Variants in OR51B4 observed in about 807,000 individuals in gnomAD.
The protein encoded by OR51B4 is olfactory receptor family 51 subfamily B member 4.
For synonymous variants in OR51B4, 147 were observed against 140.8 expected (o/e 1.04, Z -0.31); for missense variants, 402 against 379.8 (o/e 1.06, Z -0.49).
rs755319995 is a variant in OR51B4 at position 5,301,381 on chromosome 11, A to G, written c.566T>C (p.Ile189Thr). ...QDVIKLACAD[I>T]TFNHIYPIIQ... The stretch of plus-strand genomic sequence containing the variant: ...AATTGGATATATGTGATTAAACGTG[A>G]TATCAGCACAGGCGAGTTTTATGAC... The change falls in exon 1 of 1, where the codon ATC (isoleucine) becomes ACC (threonine). Residue 189 changes from isoleucine (I) to threonine (T), a missense_variant. Ile to Thr is a moderately conservative substitution (Grantham distance 89). Transcript: ENST00000380224. 9 of 1,614,014 alleles carry G rather than the reference A, an allele frequency of 5.6e-6. 1 individual carries two copies. The highest frequency in any genetic ancestry group is 3.3e-5 in the South Asian group (3 of 91,072).
rs778158910 is a variant in OR51B4, at chr11:5,301,920, G to A, written c.27C>T (p.Pro9=). 7.5e-6 allele frequency: 12 copies of A among 1,595,032 alleles called. No individual in the cohort carries two copies. Among genetic ancestry groups the A allele is most frequent in the African/African-American group, 1.3e-5 (1 of 74,682 alleles). Residue 9 remains proline (P), a synonymous_variant, in exon 1 of 1, where the codon CCC becomes CCT. Coordinates refer to ENST00000380224, the MANE Select transcript of OR51B4 (RefSeq NM_033179.2). ...AGCCCAAGAAGCCAGTCAGCAAGAA[G>A]GGGCCAGCACTGTTGTTATACCACA... is the stretch of plus-strand genomic sequence containing the variant. The part of the protein sequence containing the change: MWYNNSAG[P]FLLTGFLGSE...
rs114179036 is a variant in OR51B4, at chr11:5,301,697, G to T, written c.250C>A (p.Leu84Met). 1,517 of 1,614,174 alleles carry T rather than the reference G, an allele frequency of 9.4e-4. 19 individuals carry two copies. The African/African-American group carries it at 0.017, about 19-fold the overall frequency. ...TGGGCAATCTCCCTCTGGTCTAGCA[G>T]CAGGACACCCAGGACTGTGGGCATT... The part of the protein sequence containing the change: ...TTMPTVLGVL[L>M]LDQREIAHAA... The change falls in exon 1 of 1, where the codon CTG becomes ATG. Residue 84 changes from leucine (L) to methionine (M), a missense_variant. Leu to Met is a conservative substitution (Grantham distance 15). Transcript: ENST00000380224.
In OR51B4 at chr11:5,301,179, T is replaced by A. The variant is rs770519805; in HGVS notation, c.768A>T (p.Ser256=). 3.7e-6 allele frequency: 6 copies of A among 1,614,098 alleles called. No homozygotes were observed. Among genetic ancestry groups the A allele is most frequent in the Non-Finnish European group, 5.1e-6 (6 of 1,179,992 alleles). Residue 256 remains serine (S), a synonymous_variant, in exon 1 of 1, where the codon TCA becomes TCT. Coordinates refer to ENST00000380224, the MANE Select transcript of OR51B4 (RefSeq NM_033179.2). ...CATGTTTCCCAAACCTGTGAATGAATGACAGTCCCATCACAGTGATGTGAA... is the reference window on the plus strand; with the variant it reads ...CATGTTTCCCAAACCTGTGAATGAAAGACAGTCCCATCACAGTGATGTGAA... ...LVFHITVMGL[S]FIHRFGKHAP... is the part of the protein sequence containing the mutation.
In OR51B4 at chr11:5,301,115, A is replaced by G. The variant is rs752764870; in HGVS notation, c.832T>C (p.Phe278Leu). The G allele has an allele frequency of 1.2e-6, 2 of 1,613,982 alleles. No homozygotes were observed. Among genetic ancestry groups the G allele is most frequent in the South Asian group, 2.2e-5 (2 of 91,072 alleles). ...VVPITMSYVH[F>L]LFPPFVNPII... ...GGATTCACGAATGGAGGAAAGAGAA[A>G]ATGGACATAGCTCATGGTAATGGGG... The change falls in exon 1 of 1, where the codon TTT (phenylalanine) becomes CTT (leucine). Residue 278 changes from phenylalanine to leucine, a missense_variant. Physicochemically the swap from Phe to Leu is conservative, Grantham distance 22. Coordinates refer to ENST00000380224, the MANE Select transcript of OR51B4 (RefSeq NM_033179.2).
rs376713726 is a variant in OR51B4, at chr11:5,301,624, T to G, written c.323A>C (p.Glu108Ala). The change falls in exon 1 of 1, where the codon GAA becomes GCA. Residue 108 changes from glutamate (E) to alanine (A), a missense_variant. Glu to Ala is a moderately radical substitution (Grantham distance 107). Coordinates refer to ENST00000380224, the MANE Select transcript of OR51B4 (RefSeq NM_033179.2). ...GGCCAAAACAAGCAAGATACCTGAT[T>G]CTACAATGGCCAGTGAATGAATGAA... ...QSFIHSLAIV[E>A]SGILLVLAYD... 9.9e-6 allele frequency: 16 copies of G among 1,614,140 alleles called. No homozygotes were observed. Among genetic ancestry groups the G allele is most frequent in the Non-Finnish European group, 1.4e-5 (16 of 1,180,016 alleles).
chr11:5,301,302 A>T lies in OR51B4; in HGVS notation c.645T>A (p.Tyr215Ter). ...FLDALIIIFS[Y>*]ILILKTVMGI... The stretch of plus-strand genomic sequence containing the variant: ...CCATCACTGTCTTGAGGATTAGTAT[A>T]TAAGAAAAGATGATGATTAGAGCAT... Residue 215 changes from tyrosine to a stop codon, truncating the protein, a stop_gained, in exon 1 of 1, where the codon TAT becomes TAA. Transcript: ENST00000380224. LOFTEE classifies it low-confidence loss of function (END_TRUNC). 1.2e-6 allele frequency: 2 copies of T among 1,614,110 alleles called. No homozygotes were observed. Among genetic ancestry groups the T allele is most frequent in the Non-Finnish European group, 1.7e-6 (2 of 1,180,004 alleles).
chr11:5,301,745 C>T lies in OR51B4; in HGVS notation c.202G>A (p.Asp68Asn). 1.2e-6 allele frequency: 2 copies of T among 1,614,002 alleles called. No individual in the cohort carries two copies. Among genetic ancestry groups the T allele is most frequent in the Non-Finnish European group, 1.7e-6 (2 of 1,179,960 alleles). The change falls in exon 1 of 1, where the codon GAC (aspartate) becomes AAC (asparagine). Residue 68 changes from aspartate (D) to asparagine (N), a missense_variant. Physicochemically the swap from Asp to Asn is conservative, Grantham distance 23. Transcript: ENST00000380224. ...ATTGTAGTGAATGTCATCCCAAGGT[C>T]CGTGTCTGCCAGCATAGCCAGGAAG... is the stretch of plus-strand genomic sequence containing the variant. ...YYFLAMLADT[D>N]LGMTFTTMPT...
chr11:5,301,784 C>T lies in OR51B4; in HGVS notation c.163G>A (p.Glu55Lys). 6.2e-7 allele frequency: 1 copy of T among 1,614,072 alleles called. No individual in the cohort carries two copies. Among genetic ancestry groups the T allele is most frequent in the South Asian group, 1.1e-5 (1 of 91,070 alleles). Residue 55 changes from glutamate to lysine, a missense_variant, in exon 1 of 1, where the codon GAG becomes AAG. Transcript: ENST00000380224. ...ATAGCCAGGAAGTAGTACATGGGCT[C>T]ATGGAGGCTGTGATCATTCCAAATG... is the stretch of plus-strand genomic sequence containing the variant. ...VLIWNDHSLHEPMYYFLAMLA... is the reference protein window; with the variant it reads ...VLIWNDHSLHKPMYYFLAMLA...
chr11:5,301,522 C>CCTAT lies in OR51B4; in HGVS notation c.421_424dup (p.Gly142AspfsTer48). On this transcript the variant is annotated frameshift_variant, in exon 1 of 1. Transcript: ENST00000380224. LOFTEE classifies it low-confidence loss of function (END_TRUNC). Reference sequence around the variant, plus strand: ...AAAACCTCTCATCAGTACCCCCAGTCCTATGTTCATCACTCGGGAATTGGT... The same window carrying CCTAT: ...AAAACCTCTCATCAGTACCCCCAGTCCTATCTATGTTCATCACTCGGGAATTGGT... The CCTAT allele has an allele frequency of 6.2e-7, 1 of 1,614,156 alleles. No homozygotes were observed.
chr11:5,301,878 G>A lies in OR51B4; in HGVS notation c.69C>T (p.Tyr23=), dbSNP rs1848500046. Residue 23 remains tyrosine (Y), a synonymous_variant, in exon 1 of 1, where the codon TAC becomes TAT. Coordinates refer to ENST00000380224, the MANE Select transcript of OR51B4 (RefSeq NM_033179.2). ...TGFLGSEAVH[Y]RISMSFFVIY... ...TGACAAAGAAGGACATAGAGATCCG[G>A]TAGTGAACTGCCTCTGAGCCCAAGA... is the stretch of plus-strand genomic sequence containing the variant. 3.7e-6 allele frequency: 6 copies of A among 1,610,292 alleles called. No homozygotes were observed. The highest frequency in any genetic ancestry group is 5.1e-6 in the Non-Finnish European group (6 of 1,178,146).
Position 5,301,153 on chromosome 11 carries a change from G to T in OR51B4, c.794C>A (p.Ala265Glu). 1 of 1,613,902 alleles carries T rather than the reference G, an allele frequency of 6.2e-7. No individual in the cohort carries two copies. Among genetic ancestry groups the T allele is most frequent in the Non-Finnish European group, 8.5e-7 (1 of 1,179,802 alleles). Residue 265 changes from alanine (A) to glutamate (E), a missense_variant, in exon 1 of 1, where the codon GCA becomes GAA. Coordinates refer to ENST00000380224, the MANE Select transcript of OR51B4 (RefSeq NM_033179.2). ...CATGGTAATGGGGACCACATGAGGT[G>T]CATGTTTCCCAAACCTGTGAATGAA... ...LSFIHRFGKHAPHVVPITMSY... is the reference protein window; with the variant it reads ...LSFIHRFGKHEPHVVPITMSY...
rs752942867 is a variant in OR51B4, at chr11:5,301,916, A to T, written c.31T>A (p.Leu11Met). 4.4e-6 allele frequency: 7 copies of T among 1,595,746 alleles called. No individual in the cohort carries two copies. The highest frequency in any genetic ancestry group is 5.1e-6 in the Non-Finnish European group (6 of 1,171,970). Residue 11 changes from leucine to methionine, a missense_variant, in exon 1 of 1, where the codon TTG (leucine) becomes ATG (methionine). Leu to Met is a conservative substitution (Grantham distance 15, BLOSUM62 2). Coordinates refer to ENST00000380224, the MANE Select transcript of OR51B4 (RefSeq NM_033179.2). ...TCTGAGCCCAAGAAGCCAGTCAGCA[A>T]GAAGGGGCCAGCACTGTTGTTATAC... MWYNNSAGPF[L>M]LTGFLGSEAV... is the part of the protein sequence containing the mutation.
rs1319963448 is a variant in OR51B4, at chr11:5,301,636, A to C, written c.311T>G (p.Leu104Arg). ...CAAGATACCTGATTCTACAATGGCC[A>C]GTGAATGAATGAAGGATTGGGTGAA... ...ACFTQSFIHS[L>R]AIVESGILLV... The change falls in exon 1 of 1, where the codon CTG (leucine) becomes CGG (arginine). Residue 104 changes from leucine (L) to arginine (R), a missense_variant. By Grantham distance (102) the Leu-to-Arg change is moderately radical. Coordinates refer to ENST00000380224, the MANE Select transcript of OR51B4 (RefSeq NM_033179.2). The C allele has an allele frequency of 2.5e-6, 4 of 1,614,218 alleles. No individual in the cohort carries two copies. Among genetic ancestry groups the C allele is most frequent in the African/African-American group, 1.3e-5 (1 of 75,066 alleles).
At position 5,301,416 on chromosome 11, in the gene OR51B4, G is replaced by A. The variant is rs911014883; in HGVS notation, c.531C>T (p.Leu177=). Residue 177 remains leucine (L), a synonymous_variant, in exon 1 of 1, where the codon CTC becomes CTT. Coordinates refer to ENST00000380224, the MANE Select transcript of OR51B4 (RefSeq NM_033179.2). ...GSRALLHTFC[L]HQDVIKLACA... ...AGGCGAGTTTTATGACATCTTGATG[G>A]AGGCAAAATGTGTGCAAGAGGGCAC... The A allele has an allele frequency of 6.2e-7, 1 of 1,614,130 alleles. No individual in the cohort carries two copies. Among genetic ancestry groups the A allele is most frequent in the Non-Finnish European group, 8.5e-7 (1 of 1,180,022 alleles).
Position 5,301,775 on chromosome 11 carries a change from A to G in OR51B4, c.172T>C (p.Tyr58His). 5 of 1,614,148 alleles carry G rather than the reference A, an allele frequency of 3.1e-6. No homozygotes were observed. Among genetic ancestry groups the G allele is most frequent in the Non-Finnish European group, 4.2e-6 (5 of 1,180,010 alleles). Residue 58 changes from tyrosine (Y) to histidine (H), a missense_variant, in exon 1 of 1, where the codon TAC becomes CAC. Transcript: ENST00000380224. ...TCTGCCAGCATAGCCAGGAAGTAGT[A>G]CATGGGCTCATGGAGGCTGTGATCA... ...WNDHSLHEPM[Y>H]YFLAMLADTD...
rs1185455184 is a variant in OR51B4 at position 5,301,105 on chromosome 11, G to C, written c.842C>G (p.Pro281Arg). 3 of 1,613,918 alleles carry C rather than the reference G, an allele frequency of 1.9e-6. No homozygotes were observed. Among genetic ancestry groups the C allele is most frequent in the Non-Finnish European group, 2.5e-6 (3 of 1,179,932 alleles). Residue 281 changes from proline (P) to arginine (R), a missense_variant, in exon 1 of 1, where the codon CCT becomes CGT. Coordinates refer to ENST00000380224, the MANE Select transcript of OR51B4 (RefSeq NM_033179.2). ...ITMSYVHFLF[P>R]PFVNPIIYSI... The stretch of plus-strand genomic sequence containing the variant: ...ATAAATGATAGGATTCACGAATGGA[G>C]GAAAGAGAAAATGGACATAGCTCAT...
chr11:5,301,582 G>A lies in OR51B4; in HGVS notation c.365C>T (p.Ala122Val), dbSNP rs1263155421. ...GTTGTACCTCAGTGGTGTGCGGATGGCAATGAAACAGTCATAGGCCAAAAC... is the reference window on the plus strand; with the variant it reads ...GTTGTACCTCAGTGGTGTGCGGATGACAATGAAACAGTCATAGGCCAAAAC... ...LLVLAYDCFI[A>V]IRTPLRYNCI... Residue 122 changes from alanine (A) to valine (V), a missense_variant, in exon 1 of 1, where the codon GCC becomes GTC. Ala to Val is a moderately conservative substitution (Grantham distance 64). Coordinates refer to ENST00000380224, the MANE Select transcript of OR51B4 (RefSeq NM_033179.2). 6.2e-7 allele frequency: 1 copy of A among 1,614,156 alleles called. No homozygotes were observed. The highest frequency in any genetic ancestry group is 8.5e-7 in the Non-Finnish European group (1 of 1,180,034).
Position 5,301,691 on chromosome 11 carries a change from C to G in OR51B4, c.256G>C (p.Asp86His). The change falls in exon 1 of 1, where the codon GAC (aspartate) becomes CAC (histidine). Residue 86 changes from aspartate (D) to histidine (H), a missense_variant. Transcript: ENST00000380224. Reference protein sequence around the residue: ...MPTVLGVLLLDQREIAHAACF... With the variant: ...MPTVLGVLLLHQREIAHAACF... The stretch of plus-strand genomic sequence containing the variant: ...GCAGCATGGGCAATCTCCCTCTGGT[C>G]TAGCAGCAGGACACCCAGGACTGTG... 4 of 1,614,128 alleles carry G rather than the reference C, an allele frequency of 2.5e-6. No individual in the cohort carries two copies. Among genetic ancestry groups the G allele is most frequent in the African/African-American group, 1.3e-5 (1 of 75,040 alleles).
chr11:5,301,098 G>T lies in OR51B4; in HGVS notation c.849C>A (p.Phe283Leu), dbSNP rs142375265. The stretch of plus-strand genomic sequence containing the variant: ...TGATGCTATAAATGATAGGATTCAC[G>T]AATGGAGGAAAGAGAAAATGGACAT... ...MSYVHFLFPP[F>L]VNPIIYSIKT... The change falls in exon 1 of 1, where the codon TTC becomes TTA. Residue 283 changes from phenylalanine to leucine, a missense_variant. Physicochemically the swap from Phe to Leu is conservative, Grantham distance 22. Transcript: ENST00000380224. The T allele has an allele frequency of 1.2e-6, 2 of 1,613,888 alleles. No individual in the cohort carries two copies. The highest frequency in any genetic ancestry group is 1.1e-5 in the South Asian group (1 of 91,048).
Sources: gnomAD v4.1 joint callset for allele counts on GRCh38, gnomAD v4.1.1 for gene constraint, MANE v1.5 for transcripts, NCBI Gene and HGNC (gene_info 2026-07-23, HGNC 2026-07-21) for gene names.